Variants in TYW1 observed in about 807,000 individuals in gnomAD.
The protein encoded by TYW1 is S-adenosyl-L-methionine-dependent tRNA 4-demethylwyosine synthase TYW1.
A neutral mutation model predicts 96.2 loss-of-function variants in TYW1; 46 were observed. The ratio of observed to expected loss-of-function variants is 0.48; its 90% CI spans 0.38 to 0.61. The LOEUF (loss-of-function observed/expected upper bound fraction) is 0.61, where lower values mean the gene tolerates loss of function less well. TYW1 is among the 20% of genes least tolerant of loss of function. The pLI is 0.00. For missense variants in TYW1, 684 were observed against 909.6 expected (o/e 0.75, Z 3.19); for synonymous variants, 274 against 323.0 (o/e 0.85, Z 1.63).
chr7:67,081,099 T>C (rs1427237460), intron 10 of TYW1, among the ~76,000 whole-genome samples: 7 of 151,804 alleles, frequency 4.6e-5, no homozygotes, highest in African/African-American at 1.4e-4. Context: ...CTTCCTGATA[T>C]AGGAGTCCCT....
Position 67,083,309 on chromosome 7 carries a change from A to G in TYW1, c.1275-121A>G, listed in dbSNP as rs1399300169. Reference sequence around the variant, plus strand: ...TGGAAAATACCACTATACATGGTTGAACTCTTAGGAGGAAACCAGTCCTGA... The same window carrying G: ...TGGAAAATACCACTATACATGGTTGGACTCTTAGGAGGAAACCAGTCCTGA... On this transcript the variant is annotated intron_variant, in intron 10 of 15. Coordinates refer to ENST00000359626, the MANE Select transcript of TYW1 (RefSeq NM_018264.4). 23 of 895,542 alleles carry G rather than the reference A, an allele frequency of 2.6e-5. No homozygotes were observed. The East Asian group carries it at 5.2e-4, about 20-fold the overall frequency. The allele number at this position is 895,542 out of a possible 1,614,324, so 55.5% of individuals were successfully genotyped here. A position where few individuals can be genotyped will look rare whatever the true frequency, so the allele number is the denominator to read the frequency against.
At chr7:67,169,457 G>A (rs900091247) in intron 13 of TYW1, among the ~76,000 whole-genome samples, 2 of 152,016 alleles carry the variant, frequency 1.3e-5, no homozygotes, top group East Asian at 1.9e-4. Context: ...CTGGAGTGCA[G>A]TGGCGTGATC....
At chr7:67,138,352 A>G (rs1276638123) in intron 13 of TYW1, among the ~76,000 whole-genome samples, 2 of 152,152 alleles carry the variant, frequency 1.3e-5, no homozygotes, top group African/African-American at 2.4e-5. Context: ...TTGTGGGTAC[A>G]TAGTAGGTGT....
At chr7:67,029,434 A>ATATATAT (rs1251271240) in intron 7 of TYW1, among the ~76,000 whole-genome samples, 6 of 60,398 alleles carry the variant, frequency 9.9e-5, no homozygotes, top group Middle Eastern at 0.011. Context: ...TATATATATA[A>ATATATAT]ATAGTATTTT....
At chr7:67,047,294 G>A (rs1482609135) in intron 7 of TYW1, among the ~76,000 whole-genome samples, 1 of 152,182 alleles carries the variant, frequency 6.6e-6, no homozygotes, top group Admixed American at 6.5e-5. Context: ...TACTTGGGTA[G>A]CTGAGGCGGG....
At chr7:67,136,679 GTGTGTGTATA>G (rs1354464292) in intron 13 of TYW1, among the ~76,000 whole-genome samples, 159 of 109,794 alleles carry the variant, frequency 1.4e-3, no homozygotes, top group African/African-American at 6.4e-3. Context: ...GTGTGTGTGT[GTGTGTGTATA>G]TATATATATG....
At chr7:67,035,362 C>T (rs568953635) in intron 7 of TYW1, among the ~76,000 whole-genome samples, 37 of 152,100 alleles carry the variant, frequency 2.4e-4, no homozygotes, top group South Asian at 1.0e-3. Context: ...AATGATCACC[C>T]GCCTCGGTCT....
At position 67,135,302 on chromosome 7, in the gene TYW1, G is replaced by GTTTTTGTTTT. The variant is rs1285318169; in HGVS notation, c.1698+17689_1698+17690insGTTTTTTTTT. 1.0e-3 allele frequency among the ~76,000 whole-genome samples: 115 copies of GTTTTTGTTTT among 111,796 alleles called. 1 individual carries two copies. The highest frequency in any genetic ancestry group is 3.9e-3 in the African/African-American group (103 of 26,314). The allele number at this position is 111,796 out of a possible 152,430, so 73.3% of individuals were successfully genotyped here. On this transcript the variant is annotated intron_variant, in intron 13 of 15. Transcript: ENST00000359626. The stretch of plus-strand genomic sequence containing the variant: ...TCTTTTTGAATATGATGTTAAAACA[G>GTTTTTGTTTT]TTTTTTTTTTTTTTTTTTTTGAGAC...
Position 67,195,254 on chromosome 7 carries a change from C to T in TYW1, c.1894C>T (p.His632Tyr), listed in dbSNP as rs755198500. The stretch of plus-strand genomic sequence containing the variant: ...GCATGAGGAAGTGGTACAGTTTGTC[C>T]ACGAGTTGGTGGATCTGATCCCCGA... ...PWHEEVVQFV[H>Y]ELVDLIPEYE... Residue 632 changes from histidine to tyrosine, a missense_variant, in exon 15 of 16, where the codon CAC becomes TAC. By Grantham distance (83) the His-to-Tyr change is moderately conservative. Transcript: ENST00000359626. The T allele has an allele frequency of 1.0e-5, 16 of 1,601,856 alleles. No individual in the cohort carries two copies. The highest frequency in any genetic ancestry group is 8.2e-5 in the African/African-American group (6 of 73,214).
chr7:67,115,865 C>G (rs1182690932), intron 12 of TYW1, among the ~76,000 whole-genome samples: 2 of 152,010 alleles, frequency 1.3e-5, no homozygotes, highest in African/African-American at 4.8e-5. Context: ...CACAAAACTT[C>G]TAGGTGGAAA....
At chr7:67,073,350 A>G (rs1226389233) in intron 10 of TYW1, among the ~76,000 whole-genome samples, 2 of 152,196 alleles carry the variant, frequency 1.3e-5, no homozygotes, top group African/African-American at 4.8e-5. Context: ...TGCATAGGAC[A>G]GTGCTCCGCA....
intron 10 of TYW1, 85 bp downstream of exon 10, chr7:67,067,488 A>T: frequency 6.9e-7 from 1 of 1,450,920 alleles, no homozygotes; most frequent in Non-Finnish European, 9.6e-7. Context: ...AGACTTACCT[A>T]AGAGCTCTGC....
chr7:67,066,929 G>A (rs2087533302), intron 9 of TYW1, among the ~76,000 whole-genome samples: 1 of 152,230 alleles, frequency 6.6e-6, no homozygotes, highest in Non-Finnish European at 1.5e-5. Flanking sequence ...TGCTTGCATA[G>A]GCAGACAGCC....
At chr7:67,096,501 A>G (rs1393237771) in intron 11 of TYW1, among the ~76,000 whole-genome samples, 1 of 152,194 alleles carries the variant, frequency 6.6e-6, no homozygotes, top group Non-Finnish European at 1.5e-5. Context: ...TCCTGCAGAG[A>G]GAATATATTC....
intron 7 of TYW1, among the ~76,000 whole-genome samples, chr7:67,038,067 G>A (rs1408687188): frequency 6.6e-6 from 1 of 152,182 alleles, no homozygotes; most frequent in Non-Finnish European, 1.5e-5. Context: ...TTGGGAGGCC[G>A]AGGCGGGCAG....
intron 14 of TYW1, among the ~76,000 whole-genome samples, chr7:67,189,415 TATGTGC>T (rs1203151778): frequency 6.6e-6 from 1 of 151,854 alleles, no homozygotes; most frequent in Admixed American, 6.6e-5. Flanking sequence ...GTGTTGTGTG[TATGTGC>T]ATGTGTGTGT....
Position 67,234,028 on chromosome 7 carries a change from C to T in TYW1, c.1978-4280C>T, listed in dbSNP as rs765157452. ...TGAGGTTATAAGGGTAAGCCCTGAT[C>T]TAATAGGATCAGTGTCTTTATAAGA... On this transcript the variant is annotated intron_variant, in intron 15 of 15. Coordinates refer to ENST00000359626, the MANE Select transcript of TYW1 (RefSeq NM_018264.4). 1.5e-5 allele frequency among the ~76,000 whole-genome samples: 2 copies of T among 135,048 alleles called. 1 individual carries two copies. Among genetic ancestry groups the T allele is most frequent in the Non-Finnish European group, 3.2e-5 (2 of 62,910 alleles). The allele number at this position is 135,048 out of a possible 152,430, so 88.6% of individuals were successfully genotyped here.
At chr7:67,036,495 T>C (rs1032341025) in intron 7 of TYW1, among the ~76,000 whole-genome samples, 8 of 152,188 alleles carry the variant, frequency 5.3e-5, no homozygotes, top group African/African-American at 1.2e-4. Flanking sequence ...CAAGATTCTT[T>C]ACAGAAATGG....
chr7:67,162,185 G>T (rs1470305190), intron 13 of TYW1, among the ~76,000 whole-genome samples: 3 of 151,824 alleles, frequency 2.0e-5, no homozygotes, highest in African/African-American at 7.3e-5. Context: ...GTGGTGGCGG[G>T]TGCCTGTAGT....
Sources: gnomAD v4.1 joint callset for allele counts (sites outside exome capture counted in the v4.1 genomes callset) on GRCh38, gnomAD v4.1.1 for gene constraint, MANE v1.5 for transcripts, NCBI Gene and HGNC (gene_info 2026-07-23, HGNC 2026-07-21) for gene names.